The following DAB2IP variants were observed in gnomAD, a reference collection of about 807,000 sequenced individuals.
DAB2IP encodes disabled homolog 2-interacting protein.
A neutral mutation model predicts 107.2 loss-of-function variants in DAB2IP; 28 were observed. That is an observed-to-expected ratio of 0.26 (90% confidence interval 0.19 to 0.36). The LOEUF (loss-of-function observed/expected upper bound fraction) is 0.36. Ranked by LOEUF, DAB2IP falls within the 10% of genes least tolerant of loss-of-function variation. The probability of loss-of-function intolerance (pLI) is 1.00; values close to 1 mark genes in which losing one functional copy is unlikely to be tolerated. For missense variants in DAB2IP, 1,400 were observed against 1,644.7 expected, an observed-to-expected ratio of 0.85 and a Z score of 2.57; for synonymous variants, 755 against 706.4, an observed-to-expected ratio of 1.07 and a Z score of -1.09.
At chr9:121,773,313 C>T (rs1834914493) in exon 12 of DAB2IP, 1 of 1,506,668 alleles carries the variant, frequency 6.6e-7, no homozygotes, top group Non-Finnish European at 8.9e-7. Flanking sequence ...GCCGCCACCT[C>T]CTGCCCCCCG....
At chr9:121,672,937 G>A (rs552820391) in intron 1 of DAB2IP, among the ~76,000 whole-genome samples, 17 of 152,344 alleles carry the variant, frequency 1.1e-4, no homozygotes, top group African/African-American at 3.8e-4. Context: ...AAGATTTGCT[G>A]CAAAATGAAA....
intron 1 of DAB2IP, among the ~76,000 whole-genome samples, chr9:121,569,099 G>A (rs912482440): frequency 5.3e-5 from 8 of 152,206 alleles, no homozygotes; most frequent in African/African-American, 1.4e-4. Flanking sequence ...GCTGGAGAGG[G>A]GTCTGGCTTT....
At chr9:121,576,845 G>A (rs1210981332) in intron 1 of DAB2IP, among the ~76,000 whole-genome samples, 2 of 152,110 alleles carry the variant, frequency 1.3e-5, no homozygotes, top group Non-Finnish European at 2.9e-5. Context: ...GTTGGTGACG[G>A]TCACCTTTGA....
At chr9:121,589,191 G>C (rs1830372897) in intron 1 of DAB2IP, among the ~76,000 whole-genome samples, 1 of 152,102 alleles carries the variant, frequency 6.6e-6, no homozygotes, top group South Asian at 2.1e-4. Context: ...CACATGGAGA[G>C]GGGCCAGTAA....
At chr9:121,758,331 G>C (rs1293343026) in intron 4 of DAB2IP, among the ~76,000 whole-genome samples, 1 of 152,180 alleles carries the variant, frequency 6.6e-6, no homozygotes, top group African/African-American at 2.4e-5. Flanking sequence ...CTAGGGCCTG[G>C]CACATCCAGA....
At chr9:121,716,304 A>T (rs1006972242) in intron 3 of DAB2IP, among the ~76,000 whole-genome samples, 1 of 152,228 alleles carries the variant, frequency 6.6e-6, no homozygotes, top group Non-Finnish European at 1.5e-5. Flanking sequence ...GGCCACATGT[A>T]AGGCAGAGCC....
At chr9:121,711,089 T>G (rs1382572906) in intron 3 of DAB2IP, among the ~76,000 whole-genome samples, 2 of 152,198 alleles carry the variant, frequency 1.3e-5, no homozygotes, top group Non-Finnish European at 2.9e-5. Context: ...GGCAGAGAAC[T>G]TAGTCTTAGA....
intron 3 of DAB2IP, among the ~76,000 whole-genome samples, chr9:121,709,699 C>T (rs920810945): frequency 6.6e-6 from 1 of 152,204 alleles, no homozygotes; most frequent in African/African-American, 2.4e-5. Flanking sequence ...CACTGATAAA[C>T]CACCTGGTCA....
At chr9:121,669,118 G>A (rs1289835957) in intron 1 of DAB2IP, among the ~76,000 whole-genome samples, 2 of 151,930 alleles carry the variant, frequency 1.3e-5, no homozygotes, top group African/African-American at 4.8e-5. Flanking sequence ...GTTTTGCCAT[G>A]CTGGCCAGGC....
chr9:121,641,194 G>A (rs1185294650), intron 1 of DAB2IP, among the ~76,000 whole-genome samples: 1 of 152,216 alleles, frequency 6.6e-6, no homozygotes, highest in Non-Finnish European at 1.5e-5. Flanking sequence ...ACCCTTCCTT[G>A]TTTTCCTGGT....
At chr9:121,606,815 C>T (rs1165212550) in intron 1 of DAB2IP, among the ~76,000 whole-genome samples, 1 of 151,250 alleles carries the variant, frequency 6.6e-6, no homozygotes, top group East Asian at 1.9e-4. Flanking sequence ...CGCTCTGTTG[C>T]CCAGGCTGGA....
At chr9:121,638,055 G>A (rs1832151369) in intron 1 of DAB2IP, among the ~76,000 whole-genome samples, 1 of 152,092 alleles carries the variant, frequency 6.6e-6, no homozygotes, top group Admixed American at 6.5e-5. Context: ...TGGGCACTGG[G>A]TTATGACCTC....
intron 1 of DAB2IP, among the ~76,000 whole-genome samples, chr9:121,642,616 A>T (rs1156810769): frequency 7.1e-5 from 3 of 42,082 alleles, no homozygotes; most frequent in African/African-American, 2.1e-4. Context: ...CTTTTCTATT[A>T]AAAAAAAAAA....
Position 121,699,248 on chromosome 9 carries a change from G to T in DAB2IP, c.229-77G>T. 8 of 1,166,744 alleles carry T rather than the reference G, an allele frequency of 6.9e-6. No individual in the cohort carries two copies. The highest frequency in any genetic ancestry group is 8.5e-6 in the Non-Finnish European group (8 of 936,218). The allele number at this position is 1,166,744 out of a possible 1,614,324, so 72.3% of individuals were successfully genotyped here. A position where few individuals can be genotyped will look rare whatever the true frequency, so the allele number is the denominator to read the frequency against. ...CGCGCGGCCGCCCAGCAAGGGTGCG[G>T]GTCCCGCGCGGGTCCCGGCCCGCCG... On this transcript the variant is annotated intron_variant, in intron 2 of 15. Transcript: ENST00000408936. The surrounding 1 kb of genome is among the most constrained non-coding windows in gnomAD (Gnocchi z 6.2).
chr9:121,584,453 T>G (rs974729025), intron 1 of DAB2IP, among the ~76,000 whole-genome samples: 3 of 150,268 alleles, frequency 2.0e-5, no homozygotes, highest in African/African-American at 7.3e-5. Context: ...ATGGCTCAAG[T>G]AGTTTAAAGA....
At chr9:121,741,452 G>A (rs903817003) in intron 3 of DAB2IP, among the ~76,000 whole-genome samples, 4 of 152,274 alleles carry the variant, frequency 2.6e-5, no homozygotes, top group South Asian at 2.1e-4. Context: ...TTAGGCTCTC[G>A]CTTCCCTCCT....
intron 1 of DAB2IP, among the ~76,000 whole-genome samples, chr9:121,658,435 G>A (rs922228479): frequency 6.6e-6 from 1 of 152,232 alleles, no homozygotes; most frequent in Non-Finnish European, 1.5e-5. Context: ...GGAGGGGTTT[G>A]AGAATGAGCA....
At chr9:121,665,864 C>T (rs7024875) in intron 1 of DAB2IP, among the ~76,000 whole-genome samples, 1,655 of 152,266 alleles carry the variant, frequency 0.011, 40 homozygotes, top group African/African-American at 0.037. Flanking sequence ...CTGAATCAGA[C>T]GATGATCTGA....
chr9:121,783,878 C>T (rs1835831674), exon 16 of DAB2IP: 1 of 383,122 alleles, frequency 2.6e-6, no homozygotes. Flanking sequence ...CCTGTCTGTT[C>T]CCAGCCCCTG....
Sources: allele counts gnomAD v4.1 joint callset (sites outside exome capture counted in the v4.1 genomes callset), GRCh38; gene constraint gnomAD v4.1.1; non-coding constraint Gnocchi (gnomAD v3.1); transcripts MANE v1.5; gene names NCBI Gene and HGNC (gene_info 2026-07-23, HGNC 2026-07-21).